SLC16A7: variants seen among roughly 807,000 people sequenced by gnomAD.
SLC16A7 encodes the protein solute carrier family 16 member 7, also known as monocarboxylate transporter 2.
A neutral mutation model predicts 34.9 loss-of-function variants in SLC16A7; 33 were observed. The observed-to-expected ratio is 0.94, with a 90% CI of 0.72 to 1.26. The LOEUF (loss-of-function observed/expected upper bound fraction) is 1.26. Among genes scored for constraint, SLC16A7 ranks in the 50% most tolerant of loss-of-function variants. The pLI, the probability that SLC16A7 is intolerant of heterozygous loss-of-function variation, is 0.00. For synonymous variants in SLC16A7, 201 were observed against 206.6 expected (o/e 0.97, Z 0.23); for missense variants, 573 against 578.1 (o/e 0.99, Z 0.09).
chr12:59,689,897 T>G (rs1871445305), intron 2 of SLC16A7, among the ~76,000 whole-genome samples: 1 of 151,978 alleles, frequency 6.6e-6, no homozygotes, highest in Non-Finnish European at 1.5e-5. Flanking sequence ...ATTCTAAACT[T>G]TCTAGGAAGA....
intron 1 of SLC16A7, among the ~76,000 whole-genome samples, chr12:59,630,722 GT>G (rs1305924945): frequency 3.3e-5 from 5 of 151,834 alleles, no homozygotes; most frequent in East Asian, 1.9e-4. Flanking sequence ...TTCTAATAGA[GT>G]TTTTTTACAC....
At chr12:59,611,132 C>G (rs752505600) in intron 1 of SLC16A7, among the ~76,000 whole-genome samples, 8 of 152,170 alleles carry the variant, frequency 5.3e-5, no homozygotes, top group Non-Finnish European at 8.8e-5. Flanking sequence ...ACTCAATCAT[C>G]TCCTGTATTA....
intron 3 of SLC16A7, among the ~76,000 whole-genome samples, chr12:59,765,710 G>A (rs1168199865): frequency 6.6e-6 from 1 of 152,168 alleles, no homozygotes; most frequent in Non-Finnish European, 1.5e-5. Context: ...TTTGGTACCA[G>A]TATCATGCCG....
At chr12:59,625,369 T>A (rs1190996318) in intron 1 of SLC16A7, among the ~76,000 whole-genome samples, 1 of 151,804 alleles carries the variant, frequency 6.6e-6, no homozygotes, top group Non-Finnish European at 1.5e-5. Context: ...AAAATAAAAT[T>A]AAATTGGCTT....
chr12:59,771,526 A>T (rs1882226645), intron 4 of SLC16A7, among the ~76,000 whole-genome samples, 164 bp downstream of exon 4: 1 of 152,134 alleles, frequency 6.6e-6, no homozygotes, highest in Non-Finnish European at 1.5e-5. Flanking sequence ...CAAGCTATAT[A>T]ATGGGCAAAC....
chr12:59,737,510 C>T (rs1309388536), intron 3 of SLC16A7, among the ~76,000 whole-genome samples: 1 of 152,180 alleles, frequency 6.6e-6, no homozygotes, highest in Non-Finnish European at 1.5e-5. Flanking sequence ...TCCTCTTAGG[C>T]ATTTGATTAC....
rs182219235 is a variant in SLC16A7, at chr12:59,747,229, C to A, written c.218-23990C>A. Among the ~76,000 whole-genome samples the A allele has an allele frequency of 2.6e-5, 4 of 152,170 alleles. No individual in the cohort carries two copies. The East Asian group carries it at 7.7e-4, about 29-fold the overall frequency. ...ATGATATAGTTATATGAAAGAAAGG[C>A]ATTAAAAATTAAGTTACTATTTAAG... is the stretch of plus-strand genomic sequence containing the variant. On this transcript the variant is annotated intron_variant, in intron 3 of 5. Transcript: ENST00000547379.
rs1265842776 is a variant in SLC16A7 at position 59,666,049 on chromosome 12, T to G, written c.-31+10799T>G. 2.6e-5 allele frequency among the ~76,000 whole-genome samples: 4 copies of G among 152,262 alleles called. No homozygotes were observed. The East Asian group carries it at 7.7e-4, about 29-fold the overall frequency. On this transcript the variant is annotated intron_variant, in intron 2 of 5. Coordinates refer to ENST00000547379, the MANE Select transcript of SLC16A7 (RefSeq NM_001270623.2). ...TAAATGTCAGGCAATGATTGATGAT[T>G]TTACAATTGGAGTTTGGAGTTGATA... is the stretch of plus-strand genomic sequence containing the variant.
intron 2 of SLC16A7, among the ~76,000 whole-genome samples, chr12:59,691,348 G>C (rs2137096728): frequency 6.6e-6 from 1 of 152,020 alleles, no homozygotes; most frequent in East Asian, 1.9e-4. Flanking sequence ...GGGTTCTTGA[G>C]TTGTTTACAA....
At chr12:59,700,763 G>A (rs1872779749) in intron 2 of SLC16A7, among the ~76,000 whole-genome samples, 1 of 151,468 alleles carries the variant, frequency 6.6e-6, no homozygotes, top group Non-Finnish European at 1.5e-5. Context: ...ACACACAGAG[G>A]TGTTTAGATT....
chr12:59,634,657 G>C (rs1880335751), intron 1 of SLC16A7, among the ~76,000 whole-genome samples: 1 of 151,996 alleles, frequency 6.6e-6, no homozygotes, highest in Non-Finnish European at 1.5e-5. Flanking sequence ...AAGGTGTAAG[G>C]TTTTTGCTAA....
At chr12:59,603,893 GTTC>G (rs1878808790) in intron 1 of SLC16A7, among the ~76,000 whole-genome samples, 1 of 152,172 alleles carries the variant, frequency 6.6e-6, no homozygotes, top group Non-Finnish European at 1.5e-5. Context: ...TTTAAAGGCA[GTTC>G]TACTTGTGAC....
chr12:59,671,726 GTGTATATATGTATATA>G (rs561648895), intron 2 of SLC16A7, among the ~76,000 whole-genome samples: 2 of 143,650 alleles, frequency 1.4e-5, no homozygotes, highest in Admixed American at 7.1e-5. Flanking sequence ...GTATATATAT[GTGTATATATGTATATA>G]TGTATATATA....
intron 1 of SLC16A7, among the ~76,000 whole-genome samples, chr12:59,622,193 A>G (rs1287702731): frequency 6.6e-6 from 1 of 151,866 alleles, no homozygotes; most frequent in Non-Finnish European, 1.5e-5. Context: ...TAACATGTTC[A>G]AACATTATTC....
intron 2 of SLC16A7, among the ~76,000 whole-genome samples, chr12:59,660,870 C>T (rs1276949100): frequency 3.9e-5 from 6 of 152,130 alleles, no homozygotes; most frequent in Admixed American, 3.9e-4. Context: ...TTGCCTCAAA[C>T]TTCATTTATT....
intron 3 of SLC16A7, among the ~76,000 whole-genome samples, chr12:59,736,353 TTAAA>T (rs1592605144): frequency 6.6e-6 from 1 of 152,140 alleles, no homozygotes; most frequent in East Asian, 1.9e-4. Context: ...GTGAAATGCT[TTAAA>T]TGAACACAAA....
At chr12:59,707,893 C>T (rs921734974) in intron 3 of SLC16A7, among the ~76,000 whole-genome samples, 4 of 152,088 alleles carry the variant, frequency 2.6e-5, no homozygotes, top group Non-Finnish European at 2.9e-5. Flanking sequence ...CACCTTTGGT[C>T]CTTCTTTTAA....
At chr12:59,698,762 A>C (rs10431557) in intron 2 of SLC16A7, among the ~76,000 whole-genome samples, 40,463 of 151,616 alleles carry the variant, frequency 0.27, 5,726 homozygotes, top group East Asian at 0.36. Flanking sequence ...ACTCTGTAGA[A>C]ATGCCAAACC....
intron 3 of SLC16A7, among the ~76,000 whole-genome samples, chr12:59,739,694 C>T (rs1461776090): frequency 1.3e-5 from 2 of 152,048 alleles, no homozygotes; most frequent in Non-Finnish European, 2.9e-5. Flanking sequence ...TCCACATCCT[C>T]TCCAGCACCT....
Sources: gnomAD v4.1 joint callset for allele counts (sites outside exome capture counted in the v4.1 genomes callset) on GRCh38, gnomAD v4.1.1 for gene constraint, MANE v1.5 for transcripts, NCBI Gene and HGNC (gene_info 2026-07-23, HGNC 2026-07-21) for gene names.